MUC12: variants seen among roughly 807,000 people sequenced by gnomAD.
MUC12 encodes mucin 12, cell surface associated, also known as mucin-12.
MUC12 carries 172 observed loss-of-function variants against 230.8 expected under a neutral mutation model. That is an observed-to-expected ratio of 0.75 (90% CI 0.66 to 0.85). The LOEUF (loss-of-function observed/expected upper bound fraction) is 0.85, where lower values mean the gene tolerates loss of function less well. MUC12 is among the 40% of genes least tolerant of loss of function. The pLI is 0.00. For synonymous variants in MUC12, 1,259 were observed against 2,401.9 expected (o/e 0.52, Z 13.91); for missense variants, 3,506 against 5,920.6 (o/e 0.59, Z 13.38).
At chr7:101,010,964 T>C (rs1793833891) in intron 5 of MUC12, among the ~76,000 whole-genome samples, 1 of 152,088 alleles carries the variant, frequency 6.6e-6, no homozygotes, top group South Asian at 2.1e-4. Flanking sequence ...AAGGGTATTA[T>C]CAGAGACACA....
intron 1 of MUC12, among the ~76,000 whole-genome samples, chr7:100,987,062 T>C (rs1290011824): frequency 4.4e-5 from 1 of 22,784 alleles, no homozygotes; most frequent in Non-Finnish European, 1.2e-4. Flanking sequence ...AGATAATGGT[T>C]TTTTTTTTTT....
At chr7:100,988,377 T>C (rs900722396) in intron 1 of MUC12, among the ~76,000 whole-genome samples, 4 of 151,840 alleles carry the variant, frequency 2.6e-5, no homozygotes, top group African/African-American at 4.8e-5. Flanking sequence ...TTTTGCCATG[T>C]GACCAGCCTG....
intron 1 of MUC12, chr7:100,981,318 G>C: frequency 1.9e-6 from 1 of 520,966 alleles, no homozygotes; most frequent in Non-Finnish European, 3.4e-6. Context: ...CCCAGGTTGG[G>C]AGGGGTCTGA....
At chr7:101,016,345 C>T (rs1252640808) in intron 10 of MUC12, among the ~76,000 whole-genome samples, 1 of 152,008 alleles carries the variant, frequency 6.6e-6, no homozygotes, top group African/African-American at 2.4e-5. Context: ...CTCACTCTGT[C>T]ACCCAGGCTG....
In MUC12 at chr7:100,972,953, C is replaced by A. The variant is rs752192354; in HGVS notation, c.67+3264C>A. The A allele has an allele frequency of 1.6e-5, 11 of 702,960 alleles. No homozygotes were observed. In the South Asian group the frequency reaches 1.6e-4, roughly 10 times the overall value. The allele number at this position is 702,960 out of a possible 1,614,324, so 43.5% of individuals were successfully genotyped here. A position where few individuals can be genotyped will look rare whatever the true frequency, so the allele number is the denominator to read the frequency against. ...CAGAAAAATCATTTCCACAGGTCTG[C>A]AGGGGAGCTACGGTGCAGGAATGCC... On this transcript the variant is annotated intron_variant, in intron 1 of 11. Transcript: ENST00000536621.
chr7:100,984,359 C>T (rs572474343), intron 1 of MUC12, among the ~76,000 whole-genome samples: 3 of 151,030 alleles, frequency 2.0e-5, no homozygotes, highest in South Asian at 2.1e-4. Flanking sequence ...TGGGTTCAGG[C>T]GATTCTCCTG....
intron 1 of MUC12, among the ~76,000 whole-genome samples, chr7:100,977,152 G>A (rs1009280533): frequency 2.6e-5 from 4 of 150,950 alleles, no homozygotes; most frequent in Non-Finnish European, 4.4e-5. Flanking sequence ...TCCAGCTCCA[G>A]GGTCCCCATT....
intron 1 of MUC12, among the ~76,000 whole-genome samples, chr7:100,986,558 A>G (rs1793193811): frequency 6.6e-6 from 1 of 152,208 alleles, no homozygotes; most frequent in African/African-American, 2.4e-5. Context: ...GCACTGATCA[A>G]TGATTTGATA....
rs1424226817 is a variant in MUC12, at chr7:100,969,747, G to T, written c.67+58G>T. ...GTGCTCCTGGGTGGTAATAGTACAT[G>T]CCCCTGCCTCAGGCAGCAGGGCTGC... is the stretch of plus-strand genomic sequence containing the variant. On this transcript the variant is annotated intron_variant, in intron 1 of 11. Coordinates refer to ENST00000536621, the MANE Select transcript of MUC12 (RefSeq NM_001164462.2). 8 of 1,533,502 alleles carry T rather than the reference G, an allele frequency of 5.2e-6. No homozygotes were observed. In the Admixed American group the frequency reaches 5.9e-5, roughly 11 times the overall value. The allele number at this position is 1,533,502 out of a possible 1,614,324, so 95.0% of individuals were successfully genotyped here. A position where few individuals can be genotyped will look rare whatever the true frequency, so the allele number is the denominator to read the frequency against.
intron 8 of MUC12, 99 bp from the exon 9 acceptor site, chr7:101,013,814 G>C: frequency 2.2e-6 from 3 of 1,340,214 alleles, no homozygotes; most frequent in Non-Finnish European, 2.9e-6. Flanking sequence ...TTGGAGTGAG[G>C]GAGATCTGGT....
At position 101,009,172 on chromosome 7, in the gene MUC12, G is replaced by A; in HGVS notation, c.15251+13G>A. 1 of 1,536,974 alleles carries A rather than the reference G, an allele frequency of 6.5e-7. No homozygotes were observed. Among genetic ancestry groups the A allele is most frequent in the Non-Finnish European group, 8.7e-7 (1 of 1,146,248 alleles). ...TTCGGAGATTGCTGTGAGTATATTGGGGGGCAGGTTTATAGATGTGGGGAA... is the reference window on the plus strand; with the variant it reads ...TTCGGAGATTGCTGTGAGTATATTGAGGGGCAGGTTTATAGATGTGGGGAA... On this transcript the variant is annotated intron_variant, in intron 5 of 11. Coordinates refer to ENST00000536621, the MANE Select transcript of MUC12 (RefSeq NM_001164462.2).
Position 100,969,585 on chromosome 7 carries a change from G to T in MUC12, c.-38G>T. On this transcript the variant is annotated 5_prime_UTR_variant, in exon 1 of 12. The change abolishes an upstream ATG in the 5' untranslated region. Coordinates refer to ENST00000536621, the MANE Select transcript of MUC12 (RefSeq NM_001164462.2). ...CCTTCATTTCTTGGTCCCTCCTGAT[G>T]AGAGAAGATGGGCAGCCAGGGGCCC... 6.5e-7 allele frequency: 1 copy of T among 1,537,250 alleles called. No homozygotes were observed. The highest frequency in any genetic ancestry group is 1.2e-5 in the South Asian group (1 of 83,962).
Position 101,004,368 on chromosome 7 carries a change from C to A in MUC12, c.13805C>A (p.Ser4602Tyr), listed in dbSNP as rs1330372569. ...RSTTSGLVEE[S>Y]TAYHSSPGST... is the part of the protein sequence containing the mutation. ...ACAACCTCAGGCCTCGTTGAAGAAT[C>A]TACGGCGTACCACAGCAGCCCGGGC... Residue 4602 changes from serine (S) to tyrosine (Y), a missense_variant, in exon 2 of 12, where the codon TCT (serine) becomes TAT (tyrosine). Ser to Tyr is a moderately radical substitution (Grantham distance 144). Coordinates refer to ENST00000536621, the MANE Select transcript of MUC12 (RefSeq NM_001164462.2). The A allele has an allele frequency of 5.5e-6, 8 of 1,451,330 alleles. No individual in the cohort carries two copies. The highest frequency in any genetic ancestry group is 2.4e-4 in the Middle Eastern group (1 of 4,252). 89.9% of individuals were successfully genotyped at this position (1,451,330 alleles called of 1,614,324 possible).
chr7:100,991,523 C>A lies in MUC12; in HGVS notation c.960C>A (p.Ser320Arg). Reference sequence around the variant, plus strand: ...CTCCAACAACCCACTTTTCTGCCAGCTCCACAACCTTGGGCCATAGTGAGG... The same window carrying A: ...CTCCAACAACCCACTTTTCTGCCAGATCCACAACCTTGGGCCATAGTGAGG... ...SSTPTTHFSA[S>R]STTLGHSEES... The change falls in exon 2 of 12, where the codon AGC becomes AGA. Residue 320 changes from serine (S) to arginine (R), a missense_variant. Coordinates refer to ENST00000536621, the MANE Select transcript of MUC12 (RefSeq NM_001164462.2). 2 of 1,537,198 alleles carry A rather than the reference C, an allele frequency of 1.3e-6. No individual in the cohort carries two copies. The highest frequency in any genetic ancestry group is 1.7e-6 in the Non-Finnish European group (2 of 1,146,512).
At chr7:101,010,922 T>C (rs1358115308) in intron 5 of MUC12, among the ~76,000 whole-genome samples, 1 of 152,006 alleles carries the variant, frequency 6.6e-6, no homozygotes, top group African/African-American at 2.4e-5. Context: ...ATTGCTGGGA[T>C]TACAAGCGTA....
chr7:101,018,500 G>A lies in MUC12; in HGVS notation c.15967-95G>A, dbSNP rs921045975. The A allele has an allele frequency of 5.8e-6, 7 of 1,210,930 alleles. No individual in the cohort carries two copies. In the African/African-American group the frequency reaches 1.1e-4, roughly 19 times the overall value. 75.0% of individuals were successfully genotyped at this position (1,210,930 alleles called of 1,614,324 possible). On this transcript the variant is annotated intron_variant, in intron 11 of 11. Coordinates refer to ENST00000536621, the MANE Select transcript of MUC12 (RefSeq NM_001164462.2). ...CTGGGACTCCCTCCCTCCCCCTGGG[G>A]TTCCCTCCTCCCCGCCAGGGCTCCC... is the stretch of plus-strand genomic sequence containing the variant.
At chr7:100,975,167 C>G (rs1023029840) in intron 1 of MUC12, among the ~76,000 whole-genome samples, 1 of 152,424 alleles carries the variant, frequency 6.6e-6, no homozygotes, top group Non-Finnish European at 1.5e-5. Flanking sequence ...CCAGAAAATG[C>G]CAGAAAAATG....
intron 1 of MUC12, among the ~76,000 whole-genome samples, chr7:100,983,593 T>C (rs1335411668): frequency 3.9e-5 from 6 of 152,134 alleles, no homozygotes; most frequent in African/African-American, 1.2e-4. Context: ...GGCAGAAATG[T>C]TCTCTACCCT....
intron 3 of MUC12, among the ~76,000 whole-genome samples, chr7:101,007,476 AT>A (rs1793772770): frequency 6.6e-6 from 1 of 152,158 alleles, no homozygotes; most frequent in Admixed American, 6.5e-5. Flanking sequence ...GGACTTTTAG[AT>A]TCCACTAACA....
Sources: allele counts gnomAD v4.1 joint callset (sites outside exome capture counted in the v4.1 genomes callset), GRCh38; gene constraint gnomAD v4.1.1; transcripts MANE v1.5; gene names NCBI Gene and HGNC (gene_info 2026-07-23, HGNC 2026-07-21).